The following ANKS1B variants were observed in gnomAD, a reference collection of about 807,000 sequenced individuals.
The protein encoded by ANKS1B is ankyrin repeat and sterile alpha motif domain containing 1B.
ANKS1B carries 36 observed loss-of-function variants against 148.3 expected under a neutral mutation model. The ratio of observed to expected loss-of-function variants is 0.24; its 90% CI spans 0.19 to 0.32. The LOEUF (loss-of-function observed/expected upper bound fraction) is 0.32. Among genes scored for constraint, ANKS1B ranks in the 10% least tolerant of loss-of-function variants. The pLI is 1.00. For synonymous variants in ANKS1B, 542 were observed against 560.8 expected, an observed-to-expected ratio of 0.97 and a Z score of 0.47; for missense variants, 1,157 against 1,542.6, an observed-to-expected ratio of 0.75 and a Z score of 4.19.
At chr12:98,996,135 T>G (rs573866663) in intron 17 of ANKS1B, among the ~76,000 whole-genome samples, 2 of 151,726 alleles carry the variant, frequency 1.3e-5, no homozygotes, top group Admixed American at 1.3e-4. Context: ...TGGGGAAAAA[T>G]TAGCCCTACA....
At chr12:99,816,013 A>G (rs2153671457) in intron 2 of ANKS1B, among the ~76,000 whole-genome samples, 1 of 151,868 alleles carries the variant, frequency 6.6e-6, no homozygotes, top group Non-Finnish European at 1.5e-5. Context: ...AGTGGGACTG[A>G]CGGATCTAAT....
intron 8 of ANKS1B, among the ~76,000 whole-genome samples, chr12:99,695,944 G>A (rs369380086): frequency 7.9e-5 from 12 of 152,092 alleles, no homozygotes; most frequent in Admixed American, 3.3e-4. Context: ...ACTAGAGCGC[G>A]GAGGGTGGAA....
intron 1 of ANKS1B, among the ~76,000 whole-genome samples, chr12:99,863,990 A>G (rs959395909): frequency 2.0e-5 from 3 of 150,064 alleles, no homozygotes; most frequent in African/African-American, 7.4e-5. Context: ...AATCACTTGA[A>G]CCAGGGAGTC....
intron 17 of ANKS1B, among the ~76,000 whole-genome samples, chr12:99,031,667 C>A (rs1290780099): frequency 3.9e-5 from 6 of 152,160 alleles, no homozygotes; most frequent in African/African-American, 1.4e-4. Context: ...GCCATAGCCA[C>A]TCTGCAGTCA....
intron 7 of ANKS1B, among the ~76,000 whole-genome samples, chr12:99,774,857 G>A (rs551130254): frequency 2.0e-4 from 30 of 152,090 alleles, no homozygotes; most frequent in African/African-American, 7.2e-4. Context: ...GTAACAACAT[G>A]GATGAACCTA....
intron 17 of ANKS1B, among the ~76,000 whole-genome samples, chr12:98,905,428 C>T (rs773388606): frequency 2.6e-5 from 4 of 152,086 alleles, no homozygotes; most frequent in Non-Finnish European, 5.9e-5. Context: ...ATGAGGGTCC[C>T]TAGAGTTTCT....
intron 17 of ANKS1B, among the ~76,000 whole-genome samples, chr12:98,847,332 G>C (rs756278563): frequency 6.6e-6 from 1 of 152,114 alleles, no homozygotes; most frequent in African/African-American, 2.4e-5. Context: ...AGCTATATTA[G>C]ATTCCACATT....
At chr12:98,975,059 TC>T (rs1419546462) in intron 17 of ANKS1B, among the ~76,000 whole-genome samples, 4 of 113,958 alleles carry the variant, frequency 3.5e-5, no homozygotes, top group Non-Finnish European at 6.9e-5. Context: ...TTTCCTTCCC[TC>T]CTTCTTCCTC....
chr12:99,247,364 T>C (rs529691678), intron 12 of ANKS1B, among the ~76,000 whole-genome samples: 1 of 152,290 alleles, frequency 6.6e-6, no homozygotes, highest in East Asian at 1.9e-4. Context: ...TTAAAAGTAA[T>C]TGAAGTTTAA....
chr12:99,930,957 T>C (rs2094597443), intron 1 of ANKS1B, among the ~76,000 whole-genome samples: 2 of 152,164 alleles, frequency 1.3e-5, no homozygotes, highest in South Asian at 2.1e-4. Flanking sequence ...TGTCCAACAA[T>C]GATAGACTGG....
At chr12:98,817,812 T>C (rs539525141) in intron 19 of ANKS1B, among the ~76,000 whole-genome samples, 2 of 152,326 alleles carry the variant, frequency 1.3e-5, no homozygotes, top group South Asian at 2.1e-4. Context: ...CATTTCTCCA[T>C]CTTTCTGAAG....
At chr12:98,741,113 C>T (rs993409603), downstream of ANKS1B, among the ~76,000 whole-genome samples, 1 of 152,194 alleles carries the variant, frequency 6.6e-6, no homozygotes, top group Non-Finnish European at 1.5e-5. Flanking sequence ...TCGTTTAAGA[C>T]ATTGTTATTG....
chr12:99,316,078 C>T (rs1404337742), intron 12 of ANKS1B, among the ~76,000 whole-genome samples: 1 of 152,170 alleles, frequency 6.6e-6, no homozygotes, highest in African/African-American at 2.4e-5. Flanking sequence ...CATTGATGGA[C>T]ATTGGGGTTG....
At chr12:98,907,879 C>T (rs1371497276) in intron 17 of ANKS1B, among the ~76,000 whole-genome samples, 1 of 152,178 alleles carries the variant, frequency 6.6e-6, no homozygotes. Flanking sequence ...CATTCTTTCT[C>T]TTGCCTGCTG....
chr12:99,738,435 A>G (rs2059807871), intron 8 of ANKS1B, among the ~76,000 whole-genome samples: 1 of 152,110 alleles, frequency 6.6e-6, no homozygotes, highest in Non-Finnish European at 1.5e-5. Context: ...TATGTCTGAA[A>G]AAGCTCTTGA....
At chr12:99,661,377 G>A (rs971034384) in intron 8 of ANKS1B, among the ~76,000 whole-genome samples, 1 of 152,142 alleles carries the variant, frequency 6.6e-6, no homozygotes, top group Non-Finnish European at 1.5e-5. Flanking sequence ...AGGTATATAA[G>A]CTCTGGAAAA....
intron 17 of ANKS1B, among the ~76,000 whole-genome samples, chr12:98,911,958 C>G (rs2099787452): frequency 6.6e-6 from 1 of 152,192 alleles, no homozygotes; most frequent in Non-Finnish European, 1.5e-5. Flanking sequence ...GACTCTCTGC[C>G]CTTAGCATCT....
At chr12:99,235,683 T>G (rs1308274844) in intron 14 of ANKS1B, among the ~76,000 whole-genome samples, 2 of 152,210 alleles carry the variant, frequency 1.3e-5, no homozygotes, top group South Asian at 4.1e-4. Context: ...ACTAAACATA[T>G]GTATGAAATT....
intron 1 of ANKS1B, among the ~76,000 whole-genome samples, chr12:99,909,409 C>A (rs2093920238): frequency 6.6e-6 from 1 of 152,118 alleles, no homozygotes; most frequent in Non-Finnish European, 1.5e-5. Context: ...GATACATACC[C>A]ACAAGAGGGA....
Sources: allele counts gnomAD v4.1 joint callset (sites outside exome capture counted in the v4.1 genomes callset), GRCh38; gene constraint gnomAD v4.1.1; transcripts MANE v1.5; gene names NCBI Gene and HGNC (gene_info 2026-07-23, HGNC 2026-07-21).